PATZ1: variants seen among roughly 807,000 people sequenced by gnomAD.
PATZ1 encodes POZ/BTB and AT hook containing zinc finger 1.
A neutral mutation model predicts 46.2 loss-of-function variants in PATZ1; 9 were observed. The observed-to-expected ratio is 0.19, with a 90% CI of 0.12 to 0.34. PATZ1 has a LOEUF of 0.34. Ranked by LOEUF, PATZ1 falls within the 10% of genes least tolerant of loss-of-function variation. The pLI is 1.00. For synonymous variants in PATZ1, 426 were observed against 378.6 expected, an observed-to-expected ratio of 1.13 and a Z score of -1.45; for missense variants, 632 against 923.0, an observed-to-expected ratio of 0.68 and a Z score of 4.08.
chr22:31,339,818 G>A (rs950727206), intron 2 of PATZ1, among the ~76,000 whole-genome samples: 7 of 152,170 alleles, frequency 4.6e-5, no homozygotes, highest in Admixed American at 1.3e-4. Context: ...CCTAAGGATT[G>A]AGCAGCTTGG....
chr22:31,345,042 C>G lies in PATZ1; in HGVS notation c.561G>C (p.Leu187Phe). 2.5e-6 allele frequency: 4 copies of G among 1,614,148 alleles called. No homozygotes were observed. The highest frequency in any genetic ancestry group is 3.4e-6 in the Non-Finnish European group (4 of 1,180,020). Reference protein sequence around the residue: ...PPGTSDLGFPLDMTNGAALAA... With the variant: ...PPGTSDLGFPFDMTNGAALAA... ...CCAAGGCTGCCCCGTTGGTCATGTC[C>G]AAAGGGAAGCCCAAGTCCGAGGTCC... is the stretch of plus-strand genomic sequence containing the variant. The change falls in exon 1 of 5, where the codon TTG becomes TTC. Residue 187 changes from leucine (L) to phenylalanine (F), a missense_variant. Around this residue, in one of 7 missense-constraint regions of PATZ1, gnomAD observed 279 missense variants for 284.3 expected, o/e 0.98. Transcript: ENST00000266269. The surrounding 1 kb of genome is among the most constrained non-coding windows in gnomAD (Gnocchi z 7.4).
At chr22:31,330,485 C>T (rs5997956) in intron 3 of PATZ1, among the ~76,000 whole-genome samples, 26,338 of 151,836 alleles carry the variant, frequency 0.17, 2,558 homozygotes, top group African/African-American at 0.25. Context: ...GGCAACAGAG[C>T]GAGACTCCGT....
chr22:31,342,418 G>GC (rs1219638949), intron 2 of PATZ1, among the ~76,000 whole-genome samples: 3 of 152,124 alleles, frequency 2.0e-5, no homozygotes, highest in Admixed American at 6.5e-5. Context: ...ACTGCCTTGT[G>GC]CCCTAAGCTG....
chr22:31,341,905 C>A (rs987407794), intron 2 of PATZ1, among the ~76,000 whole-genome samples: 1 of 152,176 alleles, frequency 6.6e-6, no homozygotes, highest in Admixed American at 6.5e-5. Context: ...ACTGCCTAGC[C>A]CAGCACCTGT....
At position 31,327,827 on chromosome 22, in the gene PATZ1, A is replaced by G. The variant is rs3788429; in HGVS notation, c.1646-518T>C. ...CCATCAATGGCTCAGACAGAAGCCA[A>G]TCCTTTTCCTAATGCTGCAAACATA... is the stretch of plus-strand genomic sequence containing the variant. On this transcript the variant is annotated intron_variant, in intron 4 of 4. Coordinates refer to ENST00000266269, the MANE Select transcript of PATZ1 (RefSeq NM_014323.3). The surrounding 1 kb of genome is among the most constrained non-coding windows in gnomAD (Gnocchi z 4.2). 1.1e-4 allele frequency among the ~76,000 whole-genome samples: 16 copies of G among 152,324 alleles called. No homozygotes were observed. In the East Asian group the frequency reaches 2.9e-3, roughly 28 times the overall value.
intron 2 of PATZ1, among the ~76,000 whole-genome samples, chr22:31,337,364 G>A (rs972850788): frequency 6.6e-6 from 1 of 152,156 alleles, no homozygotes; most frequent in African/African-American, 2.4e-5. Context: ...CCAGGCCCCC[G>A]GGGTTGGATG....
intron 3 of PATZ1, 143 bp downstream of exon 3, chr22:31,335,549 A>G: frequency 1.4e-6 from 1 of 735,456 alleles, no homozygotes; most frequent in Non-Finnish European, 2.2e-6. Flanking sequence ...TAGTTGGGTG[A>G]TGAAGGTGTT....
chr22:31,343,162 AG>A, intron 1 of PATZ1: 1 of 1,308,320 alleles, frequency 7.6e-7, no homozygotes, highest in Non-Finnish European at 9.8e-7. Flanking sequence ...TTTTCTCTGG[AG>A]GGGGGAAGAG....
chr22:31,339,880 T>C (rs2049558863), intron 2 of PATZ1, among the ~76,000 whole-genome samples: 1 of 152,160 alleles, frequency 6.6e-6, no homozygotes, highest in Admixed American at 6.5e-5. Flanking sequence ...CCACCCTTAG[T>C]AGCCCTTGAA....
chr22:31,326,251 G>A lies in PATZ1; in HGVS notation c.*640C>T. ...AATCACGTAAGAACTGAAATTTGGG[G>A]TGGGGGTGTCCTCAACAGCTGAGCT... On this transcript the variant is annotated 3_prime_UTR_variant, in exon 5 of 5. Coordinates refer to ENST00000266269, the MANE Select transcript of PATZ1 (RefSeq NM_014323.3). The A allele has an allele frequency of 4.4e-6, 1 of 227,974 alleles. No individual in the cohort carries two copies. The highest frequency in any genetic ancestry group is 2.2e-5 in the African/African-American group (1 of 45,138). The allele number at this position is 227,974 out of a possible 1,614,324, so 14.1% of individuals were successfully genotyped here.
intron 3 of PATZ1, among the ~76,000 whole-genome samples, chr22:31,329,323 G>T (rs1006942008): frequency 1.3e-5 from 2 of 152,174 alleles, no homozygotes; most frequent in Non-Finnish European, 2.9e-5. Flanking sequence ...AAGAATTTGA[G>T]GCTCCAGGGA....
chr22:31,327,669 CCT>C lies in PATZ1; in HGVS notation c.1646-362_1646-361del, dbSNP rs926420468. ...CAACTCCTAGGCGCTCTTTTGGGTG[CCT>C]CTGAGGGTAAAATTGGTATTCTGAT... On this transcript the variant is annotated intron_variant, in intron 4 of 4. Coordinates refer to ENST00000266269, the MANE Select transcript of PATZ1 (RefSeq NM_014323.3). This position sits in a 1 kb window ranked among gnomAD's most constrained non-coding sequence, Gnocchi z 4.2. Among the ~76,000 whole-genome samples the C allele has an allele frequency of 2.0e-5, 3 of 152,112 alleles. No individual in the cohort carries two copies. The highest frequency in any genetic ancestry group is 4.8e-5 in the African/African-American group (2 of 41,402).
rs1005610212 is a variant in PATZ1 at position 31,342,971 on chromosome 22, G to A, written c.1272-11C>T. The stretch of plus-strand genomic sequence containing the variant: ...TTCAAGTGATCAGGCCTGGAAAAGA[G>A]AGAACCAAGAGGGACTTTAGAAACT... On this transcript the variant is annotated splice_polypyrimidine_tract_variant and intron_variant, in intron 1 of 4. Transcript: ENST00000266269. The A allele has an allele frequency of 1.9e-6, 3 of 1,613,910 alleles. No homozygotes were observed. Among genetic ancestry groups the A allele is most frequent in the African/African-American group, 1.3e-5 (1 of 75,032 alleles).
intron 2 of PATZ1, chr22:31,341,567 G>A (rs1453385854): frequency 9.9e-6 from 16 of 1,614,018 alleles, no homozygotes; most frequent in Non-Finnish European, 6.8e-6. Flanking sequence ...GGGAAAAGGC[G>A]GTGTCAGGAA....
At chr22:31,334,239 C>G (rs995720021) in intron 3 of PATZ1, among the ~76,000 whole-genome samples, 1 of 152,202 alleles carries the variant, frequency 6.6e-6, no homozygotes, top group African/African-American at 2.4e-5. Flanking sequence ...AGCCTGATAA[C>G]TCTCCCTGCA....
chr22:31,332,152 G>A (rs987972471), intron 3 of PATZ1, among the ~76,000 whole-genome samples: 6 of 152,128 alleles, frequency 3.9e-5, no homozygotes, highest in African/African-American at 1.4e-4. Context: ...ACGTGGCTGA[G>A]TCCTCTTGAC....
chr22:31,341,450 G>A (rs62236170), intron 2 of PATZ1: 71,057 of 1,598,408 alleles, frequency 0.044, 1,694 homozygotes, highest in Non-Finnish European at 0.05. Flanking sequence ...CCTCTGGGGT[G>A]GTCCAGCCCT....
intron 2 of PATZ1, among the ~76,000 whole-genome samples, chr22:31,339,082 T>C (rs919483784): frequency 6.6e-6 from 1 of 152,194 alleles, no homozygotes; most frequent in Non-Finnish European, 1.5e-5. Context: ...CCTGTCATGC[T>C]TTGCTACCTA....
In PATZ1 at chr22:31,345,604, G is replaced by T. The variant is rs1160121561; in HGVS notation, c.-2C>A. ...CGAAGCGTCGTTCACCCGCTCCATG[G>T]CCGCCGCCCCCTCCCACTAGCCCGG... On this transcript the variant is annotated 5_prime_UTR_variant, in exon 1 of 5. Coordinates refer to ENST00000266269, the MANE Select transcript of PATZ1 (RefSeq NM_014323.3). The surrounding 1 kb of genome is among the most constrained non-coding windows in gnomAD (Gnocchi z 7.4). The T allele has an allele frequency of 6.3e-7, 1 of 1,585,114 alleles. No homozygotes were observed.
Sources: allele counts gnomAD v4.1 joint callset (sites outside exome capture counted in the v4.1 genomes callset), GRCh38; gene constraint gnomAD v4.1.1; regional missense constraint gnomAD v4.1.1; non-coding constraint Gnocchi (gnomAD v3.1); transcripts MANE v1.5; gene names NCBI Gene and HGNC (gene_info 2026-07-23, HGNC 2026-07-21).